The following GNPDA1 variants were observed in gnomAD, a reference collection of about 807,000 sequenced individuals.
GNPDA1 encodes GNPDA 1.
In GNPDA1, 24 loss-of-function variants were observed where a neutral mutation model predicts 28.5. The ratio of observed to expected loss-of-function variants is 0.84; its 90% CI spans 0.61 to 1.19. The LOEUF (loss-of-function observed/expected upper bound fraction) is 1.19, where lower values mean the gene tolerates loss of function less well. Among genes scored for constraint, GNPDA1 ranks in the 50% most tolerant of loss-of-function variants. GNPDA1 has a pLI of 0.00. For synonymous variants in GNPDA1, 147 were observed against 139.3 expected (o/e 1.06, Z -0.39); for missense variants, 264 against 367.3 (o/e 0.72, Z 2.30).
rs541484334 is a variant in GNPDA1 at position 142,011,686 on chromosome 5, C to G, written c.124+226G>C. Among the ~76,000 whole-genome samples the G allele has an allele frequency of 5.9e-5, 9 of 152,300 alleles. No homozygotes were observed. In the East Asian group the frequency reaches 1.7e-3, roughly 29 times the overall value. ...CTAAAAATCAAATTCTTCCTGCCAACCAAGATCCCTTCTGCTCCAGGATTC... is the reference window on the plus strand; with the variant it reads ...CTAAAAATCAAATTCTTCCTGCCAAGCAAGATCCCTTCTGCTCCAGGATTC... On this transcript the variant is annotated intron_variant, in intron 2 of 6. Transcript: ENST00000311337.
chr5:142,009,515 C>A (rs1755892143), intron 2 of GNPDA1, among the ~76,000 whole-genome samples: 1 of 152,176 alleles, frequency 6.6e-6, no homozygotes, highest in African/African-American at 2.4e-5. Context: ...AAGTTCATAT[C>A]CTTTTTGTTC....
At chr5:142,002,427 CAT>C (rs1357856270) in intron 6 of GNPDA1, among the ~76,000 whole-genome samples, 4 of 152,284 alleles carry the variant, frequency 2.6e-5, no homozygotes, top group Non-Finnish European at 4.4e-5. Context: ...AGGATTTTCA[CAT>C]GTTTGCCTAA....
At chr5:142,010,249 G>GAA (rs1433385916) in intron 2 of GNPDA1, among the ~76,000 whole-genome samples, 21 of 152,252 alleles carry the variant, frequency 1.4e-4, no homozygotes, top group Non-Finnish European at 2.9e-4. Flanking sequence ...ACCTCTATCT[G>GAA]CTGGGTTCAA....
chr5:142,012,269 T>C (rs1338218374), intron 1 of GNPDA1: 2 of 392,566 alleles, frequency 5.1e-6, no homozygotes, highest in Non-Finnish European at 4.7e-6. Flanking sequence ...TGGGTTCTAA[T>C]CTCAGCTCCT....
intron 2 of GNPDA1, among the ~76,000 whole-genome samples, chr5:142,009,350 C>T (rs1755883909): frequency 1.3e-5 from 2 of 152,108 alleles, no homozygotes; most frequent in South Asian, 4.1e-4. Context: ...CCCTCCCTGC[C>T]ACCATATCCA....
chr5:142,012,162 C>T, intron 1 of GNPDA1, 121 bp from the exon 2 acceptor site: 15 of 1,041,636 alleles, frequency 1.4e-5, no homozygotes, highest in Non-Finnish European at 2.0e-5. Flanking sequence ...CTGTCTGAGC[C>T]AGGAAAAAGG....
Position 142,001,875 on chromosome 5 carries a change from T to G in GNPDA1, c.*154A>C. On this transcript the variant is annotated 3_prime_UTR_variant, in exon 7 of 7. Coordinates refer to ENST00000311337, the MANE Select transcript of GNPDA1 (RefSeq NM_005471.5). ...TCTCCCTATAGCTAAACTCCGTGAC[T>G]AGGCTCCCAGCCTCATGGCCAAGAA... 2.3e-6 allele frequency: 1 copy of G among 442,774 alleles called. No individual in the cohort carries two copies. The highest frequency in any genetic ancestry group is 4.0e-6 in the Non-Finnish European group (1 of 248,394). The allele number at this position is 442,774 out of a possible 1,614,324, so 27.4% of individuals were successfully genotyped here.
At position 142,007,790 on chromosome 5, in the gene GNPDA1, A is replaced by G. The variant is rs1755843977; in HGVS notation, c.226+9T>C. 2 of 1,505,962 alleles carry G rather than the reference A, an allele frequency of 1.3e-6. No individual in the cohort carries two copies. Among genetic ancestry groups the G allele is most frequent in the Non-Finnish European group, 1.8e-6 (2 of 1,081,718 alleles). The allele number at this position is 1,505,962 out of a possible 1,614,324, so 93.3% of individuals were successfully genotyped here. A position where few individuals can be genotyped will look rare whatever the true frequency, so the allele number is the denominator to read the frequency against. ...AATCAGGAAAGAACCTTGAAAGAGA[A>G]AGACTCACCCACGTACTCATCCATG... On this transcript the variant is annotated intron_variant, in intron 3 of 6. Coordinates refer to ENST00000311337, the MANE Select transcript of GNPDA1 (RefSeq NM_005471.5).
intron 1 of GNPDA1, 138 bp from the exon 2 acceptor site, chr5:142,012,179 T>C: frequency 1.4e-6 from 1 of 725,198 alleles, no homozygotes; most frequent in Non-Finnish European, 2.1e-6. Context: ...AAGGCCTTTC[T>C]ATTCACAGAG....
rs369295396 is a variant in GNPDA1 at position 142,002,038 on chromosome 5, G to T, written c.861C>A (p.Tyr287Ter). Residue 287 changes from tyrosine to a stop codon, truncating the protein, a stop_gained, in exon 7 of 7, where the codon TAC becomes TAA. Transcript: ENST00000311337. LOFTEE classifies it high-confidence loss of function. ...TEKSQSSKKPYSD is the reference protein window; with the variant it reads ...TEKSQSSKKP ...TAGGTCCCAGCACAGGCTAATCGCT[G>T]TATGGTTTCTTCGAAGATTGGCTTT... The T allele has an allele frequency of 2.6e-6, 4 of 1,561,658 alleles. No individual in the cohort carries two copies. The highest frequency in any genetic ancestry group is 3.5e-6 in the Non-Finnish European group (4 of 1,132,308).
At chr5:142,004,605 T>G (rs1461707355) in intron 5 of GNPDA1, among the ~76,000 whole-genome samples, 2 of 152,198 alleles carry the variant, frequency 1.3e-5, no homozygotes, top group Non-Finnish European at 2.9e-5. Context: ...CCATACCTGG[T>G]CAGGTACAAA....
At chr5:142,010,361 G>A (rs952518220) in intron 2 of GNPDA1, among the ~76,000 whole-genome samples, 36 of 152,176 alleles carry the variant, frequency 2.4e-4, no homozygotes, top group Admixed American at 2.0e-3. Flanking sequence ...GTTTCACCAT[G>A]TTGGCCAGGC....
At chr5:142,005,990 G>C in intron 4 of GNPDA1, 154 bp downstream of exon 4, 3 of 618,708 alleles carry the variant, frequency 4.8e-6, no homozygotes, top group Non-Finnish European at 5.8e-6. Flanking sequence ...CATAGTTCCT[G>C]AGTAACAGAG....
chr5:142,002,205 AGGAGCTCT>A, intron 6 of GNPDA1, 76 bp from the exon 7 acceptor site: 1 of 741,986 alleles, frequency 1.3e-6, no homozygotes, highest in South Asian at 1.7e-5. Flanking sequence ...CATAACATCC[AGGAGCTCT>A]CAAATTTTGT....
Position 142,005,072 on chromosome 5 carries a change from T to C in GNPDA1, c.454A>G (p.Ser152Gly). The C allele has an allele frequency of 1.2e-6, 2 of 1,612,352 alleles. No homozygotes were observed. Among genetic ancestry groups the C allele is most frequent in the Non-Finnish European group, 1.7e-6 (2 of 1,178,542 alleles). Residue 152 changes from serine to glycine, a missense_variant, in exon 5 of 7, where the codon AGT (serine) becomes GGT (glycine). Transcript: ENST00000311337. ...GHIAFNEPGS[S>G]LVSRTRVKTL... Reference sequence around the variant, plus strand: ...TTCACACGGGTCCTGGACACCAGACTGGAGCCTGGCTCGTTGAAGGCAATG... The same window carrying C: ...TTCACACGGGTCCTGGACACCAGACCGGAGCCTGGCTCGTTGAAGGCAATG...
intron 1 of GNPDA1, 161 bp from the exon 2 acceptor site, chr5:142,012,202 T>A (rs747036655): frequency 2.7e-5 from 17 of 629,474 alleles, no homozygotes; most frequent in Non-Finnish European, 4.1e-5. Context: ...GCTAAGAGGC[T>A]AGGCCAGTCG....
Position 142,003,007 on chromosome 5 carries a change from G to A in GNPDA1, c.769+81C>T. ...TTACAGTTGTCAATTAAAATGACCA[G>A]AGGATGAAAGCTGGATCTACTCCTT... On this transcript the variant is annotated intron_variant, in intron 6 of 6. Transcript: ENST00000311337. The surrounding 1 kb of genome is among the most constrained non-coding windows in gnomAD (Gnocchi z 4.0). 4 of 1,123,606 alleles carry A rather than the reference G, an allele frequency of 3.6e-6. No individual in the cohort carries two copies. In the South Asian group the frequency reaches 5.9e-5, roughly 17 times the overall value. 69.6% of individuals were successfully genotyped at this position (1,123,606 alleles called of 1,614,324 possible).
At chr5:142,006,826 T>C (rs1252261990) in intron 3 of GNPDA1, among the ~76,000 whole-genome samples, 1 of 151,966 alleles carries the variant, frequency 6.6e-6, no homozygotes, top group Non-Finnish European at 1.5e-5. Flanking sequence ...ATCAACTTTT[T>C]TTTTTTTGGC....
Position 142,003,510 on chromosome 5 carries a change from T to G in GNPDA1, c.595-248A>C, listed in dbSNP as rs908215107. 2.6e-5 allele frequency among the ~76,000 whole-genome samples: 4 copies of G among 152,156 alleles called. No homozygotes were observed. The highest frequency in any genetic ancestry group is 2.6e-4 in the Admixed American group (4 of 15,282). Reference sequence around the variant, plus strand: ...GGGTCATTTATGACCCCAAAGTTCATGTTCTTGACTACCACGTGACAGTGC... The same window carrying G: ...GGGTCATTTATGACCCCAAAGTTCAGGTTCTTGACTACCACGTGACAGTGC... On this transcript the variant is annotated intron_variant, in intron 5 of 6. Coordinates refer to ENST00000311337, the MANE Select transcript of GNPDA1 (RefSeq NM_005471.5). This position sits in a 1 kb window ranked among gnomAD's most constrained non-coding sequence, Gnocchi z 4.0.
Sources: allele counts gnomAD v4.1 joint callset (sites outside exome capture counted in the v4.1 genomes callset), GRCh38; gene constraint gnomAD v4.1.1; non-coding constraint Gnocchi (gnomAD v3.1); transcripts MANE v1.5; gene names NCBI Gene and HGNC (gene_info 2026-07-23, HGNC 2026-07-21).